ZFHX3: variants seen among roughly 807,000 people sequenced by gnomAD.
ZFHX3 encodes the protein zinc finger homeobox 3.
In ZFHX3, 42 loss-of-function variants were observed where a neutral mutation model predicts 279.1. The observed-to-expected ratio is 0.15, with a 90% CI of 0.12 to 0.19. The LOEUF (loss-of-function observed/expected upper bound fraction) is 0.19, where lower values mean the gene tolerates loss of function less well. Ranked by LOEUF, ZFHX3 falls within the 10% of genes least tolerant of loss-of-function variation. The pLI is 1.00. For missense variants in ZFHX3, 4,981 were observed against 4,754.0 expected, an observed-to-expected ratio of 1.05 and a Z score of -1.40; for synonymous variants, 2,293 against 1,957.8, an observed-to-expected ratio of 1.17 and a Z score of -4.52.
intron 3 of ZFHX3, among the ~76,000 whole-genome samples, chr16:73,335,405 C>G (rs1454077570): frequency 6.6e-6 from 1 of 152,092 alleles, no homozygotes; most frequent in Non-Finnish European, 1.5e-5. Context: ...TATCTTTTAC[C>G]CCGTGTAACT....
intron 4 of ZFHX3, among the ~76,000 whole-genome samples, chr16:73,272,516 A>C (rs867554559): frequency 6.6e-6 from 1 of 152,236 alleles, no homozygotes; most frequent in East Asian, 1.9e-4. Flanking sequence ...ATTTCTTTCC[A>C]CCAATATTTA....
At chr16:73,710,267 C>T (rs1374544910) in intron 1 of ZFHX3, among the ~76,000 whole-genome samples, 4 of 152,168 alleles carry the variant, frequency 2.6e-5, no homozygotes, top group Non-Finnish European at 5.9e-5. Flanking sequence ...TCCCATTTAG[C>T]TGTTATACTT....
intron 4 of ZFHX3, among the ~76,000 whole-genome samples, chr16:72,842,459 G>A (rs1004482898): frequency 1.3e-5 from 2 of 152,150 alleles, no homozygotes; most frequent in African/African-American, 4.8e-5. Context: ...CAAATGAAAG[G>A]TTATGCTTCA....
upstream of ZFHX3, among the ~76,000 whole-genome samples, chr16:73,051,376 C>T (rs1342148356): frequency 1.3e-5 from 2 of 152,194 alleles, no homozygotes; most frequent in African/African-American, 2.4e-5. Flanking sequence ...CTGGTACCCG[C>T]TGGGTGGCCG....
intron 4 of ZFHX3, among the ~76,000 whole-genome samples, chr16:72,854,813 C>T (rs929922484): frequency 1.3e-5 from 2 of 151,796 alleles, no homozygotes; most frequent in Non-Finnish European, 2.9e-5. Flanking sequence ...TAAAACCCTT[C>T]TTAACACTTA....
In ZFHX3 at chr16:72,889,786, C is replaced by T. The variant is rs2038724483; in HGVS notation, c.3393G>A (p.Glu1131=). ...TGAAGATCTGCCCCAGGTCCTCGTCCTCCTCTGGAAGGCCCTTCTGCAGCC... is the reference window on the plus strand; with the variant it reads ...TGAAGATCTGCCCCAGGTCCTCGTCTTCCTCTGGAAGGCCCTTCTGCAGCC... ...LQRLQKGLPE[E]DEDLGQIFTI... Residue 1131 remains glutamate (E), a synonymous_variant, in exon 4 of 10, where the codon GAG becomes GAA. Transcript: ENST00000268489. The T allele has an allele frequency of 6.2e-7, 1 of 1,613,360 alleles. No individual in the cohort carries two copies. Among genetic ancestry groups the T allele is most frequent in the African/African-American group, 1.3e-5 (1 of 74,894 alleles).
chr16:73,749,394 G>T (rs1293770789), intron 1 of ZFHX3, among the ~76,000 whole-genome samples: 1 of 151,968 alleles, frequency 6.6e-6, no homozygotes, highest in African/African-American at 2.4e-5. Flanking sequence ...TCCAGGCAGG[G>T]TTCCCTCATC....
chr16:73,775,473 G>A (rs901537069), intron 1 of ZFHX3, among the ~76,000 whole-genome samples: 3 of 152,044 alleles, frequency 2.0e-5, no homozygotes, highest in African/African-American at 7.2e-5. Context: ...TTACCCTAGG[G>A]CCCCAAACCC....
intron 5 of ZFHX3, among the ~76,000 whole-genome samples, chr16:73,235,652 G>C (rs1057171952): frequency 3.3e-5 from 5 of 151,906 alleles, no homozygotes; most frequent in Non-Finnish European, 7.4e-5. Context: ...GTAGAGATTG[G>C]TATGTGTAAA....
chr16:73,866,889 C>A (rs1962036826), intron 1 of ZFHX3, among the ~76,000 whole-genome samples: 1 of 152,204 alleles, frequency 6.6e-6, no homozygotes. Context: ...ATAGAAAAGT[C>A]TTTGAATTGT....
At chr16:73,575,930 T>C (rs1426923417) in intron 2 of ZFHX3, among the ~76,000 whole-genome samples, 1 of 152,144 alleles carries the variant, frequency 6.6e-6, no homozygotes, top group Non-Finnish European at 1.5e-5. Flanking sequence ...TATGGCAGGC[T>C]TTACCATGGG....
At chr16:73,513,391 T>C (rs1369483029) in intron 2 of ZFHX3, among the ~76,000 whole-genome samples, 1 of 152,192 alleles carries the variant, frequency 6.6e-6, no homozygotes, top group African/African-American at 2.4e-5. Flanking sequence ...CAGATCCTCA[T>C]GTTGACTGAA....
chr16:73,343,155 A>T (rs947817887), intron 3 of ZFHX3, among the ~76,000 whole-genome samples: 4 of 152,020 alleles, frequency 2.6e-5, no homozygotes, highest in African/African-American at 9.7e-5. Context: ...TCCCCTAAAT[A>T]TACAGGAAGG....
intron 1 of ZFHX3, among the ~76,000 whole-genome samples, chr16:73,038,989 A>G (rs752163327): frequency 3.3e-5 from 5 of 151,634 alleles, no homozygotes; most frequent in Non-Finnish European, 7.4e-5. Flanking sequence ...TTGTAGAGAC[A>G]AGGTCTTGCC....
chr16:73,162,253 C>T (rs1967255830), intron 5 of ZFHX3, among the ~76,000 whole-genome samples: 1 of 152,192 alleles, frequency 6.6e-6, no homozygotes, highest in Admixed American at 6.5e-5. Flanking sequence ...TGCCAGACTG[C>T]AGTGGTATTG....
rs753977275 is a variant in ZFHX3 at position 72,958,049 on chromosome 16, G to GC, written c.2096dup (p.Ser700LeufsTer33). The GC allele has an allele frequency of 6.2e-7, 1 of 1,613,660 alleles. No homozygotes were observed. The highest frequency in any genetic ancestry group is 8.5e-7 in the Non-Finnish European group (1 of 1,180,024). On this transcript the variant is annotated frameshift_variant, in exon 2 of 10. Coordinates refer to ENST00000268489, the MANE Select transcript of ZFHX3 (RefSeq NM_006885.4). LOFTEE classifies it high-confidence loss of function. Reference sequence around the variant, plus strand: ...GCCCGCTTTTGCAGTAGACACAGGAGCCCCCCGGCTCCGGGTGCTTCTCCT... The same window carrying GC: ...GCCCGCTTTTGCAGTAGACACAGGAGCCCCCCCGGCTCCGGGTGCTTCTCCT...
rs1006538578 is a variant in ZFHX3, at chr16:73,356,400, G to C, written c.-1290-38064C>G. ...TTTTATCAGAAAAACCCTGCTAATTGGATTGACCTAGAGCAAGACGGTGAT... is the reference window on the plus strand; with the variant it reads ...TTTTATCAGAAAAACCCTGCTAATTCGATTGACCTAGAGCAAGACGGTGAT... On this transcript the variant is annotated intron_variant, in intron 3 of 17. Transcript: ENST00000641206. Among the ~76,000 whole-genome samples the C allele has an allele frequency of 2.6e-5, 4 of 151,980 alleles. 1 individual carries two copies. Among genetic ancestry groups the C allele is most frequent in the African/African-American group, 9.7e-5 (4 of 41,430 alleles).
At chr16:73,552,715 G>A (rs559156401) in intron 2 of ZFHX3, among the ~76,000 whole-genome samples, 34 of 148,556 alleles carry the variant, frequency 2.3e-4, no homozygotes, top group African/African-American at 8.2e-4. Context: ...GGGAAGAAAG[G>A]CATTTTGTTC....
intron 2 of ZFHX3, among the ~76,000 whole-genome samples, chr16:73,607,650 G>A (rs1265652885): frequency 3.3e-5 from 5 of 152,072 alleles, no homozygotes. Context: ...TCAACACAAG[G>A]TATTATTATG....
Sources: gnomAD v4.1 joint callset for allele counts (sites outside exome capture counted in the v4.1 genomes callset) on GRCh38, gnomAD v4.1.1 for gene constraint, MANE v1.5 for transcripts, NCBI Gene and HGNC (gene_info 2026-07-23, HGNC 2026-07-21) for gene names.